Variants in PHLDB2 observed in about 807,000 individuals in gnomAD.
The protein encoded by PHLDB2 is pleckstrin homology-like domain family B member 2.
A neutral mutation model predicts 123.6 loss-of-function variants in PHLDB2; 71 were observed. The observed-to-expected ratio is 0.57, with a 90% CI of 0.47 to 0.70. PHLDB2 has a LOEUF of 0.70. PHLDB2 is among the 30% of genes least tolerant of loss of function. The pLI is 0.00. For synonymous variants in PHLDB2, 547 were observed against 541.6 expected (o/e 1.01, Z -0.14); for missense variants, 1,446 against 1,519.5 (o/e 0.95, Z 0.80).
intron 1 of PHLDB2, among the ~76,000 whole-genome samples, chr3:111,733,816 A>G (rs901849929): frequency 6.6e-6 from 1 of 152,226 alleles, no homozygotes; most frequent in Non-Finnish European, 1.5e-5. Flanking sequence ...AAATGTTGTC[A>G]TATGGTCACC....
At chr3:111,822,743 T>A (rs1417699295) in intron 1 of PHLDB2, among the ~76,000 whole-genome samples, 1 of 152,194 alleles carries the variant, frequency 6.6e-6, no homozygotes, top group East Asian at 1.9e-4. Flanking sequence ...CTTACCTCCT[T>A]GGTCCAAATT....
intron 2 of PHLDB2, among the ~76,000 whole-genome samples, chr3:111,847,354 G>C (rs762342809): frequency 6.6e-6 from 1 of 152,028 alleles, no homozygotes; most frequent in East Asian, 1.9e-4. Flanking sequence ...GAAAGATCCC[G>C]GTCCTCATAC....
At chr3:111,855,421 C>A (rs913105368), upstream of PHLDB2, among the ~76,000 whole-genome samples, 3 of 151,084 alleles carry the variant, frequency 2.0e-5, no homozygotes, top group Non-Finnish European at 4.4e-5. Context: ...TCCTTCCTTC[C>A]TTTCTTTCTT....
chr3:111,907,241 A>G (rs964281539), intron 2 of PHLDB2, among the ~76,000 whole-genome samples: 1 of 152,200 alleles, frequency 6.6e-6, no homozygotes, highest in African/African-American at 2.4e-5. Flanking sequence ...TTCACTAGAA[A>G]GACTCACAGA....
At chr3:111,746,997 C>A (rs905008565) in intron 1 of PHLDB2, among the ~76,000 whole-genome samples, 1 of 152,044 alleles carries the variant, frequency 6.6e-6, no homozygotes, top group Non-Finnish European at 1.5e-5. Flanking sequence ...AATTCTATAC[C>A]CAGCCAAACT....
chr3:111,860,488 G>A (rs904537214), intron 1 of PHLDB2, among the ~76,000 whole-genome samples: 2 of 152,148 alleles, frequency 1.3e-5, no homozygotes, highest in South Asian at 2.1e-4. Context: ...TCGTTTGCTG[G>A]TTCGCTTAAT....
chr3:111,901,175 C>T (rs866006017), intron 2 of PHLDB2, among the ~76,000 whole-genome samples: 9 of 151,580 alleles, frequency 5.9e-5, no homozygotes, highest in Non-Finnish European at 8.8e-5. Context: ...CTGGCTAACA[C>T]GGTGAAACCC....
intron 16 of PHLDB2, among the ~76,000 whole-genome samples, chr3:111,971,041 A>G (rs550584350): frequency 6.6e-6 from 1 of 152,276 alleles, no homozygotes; most frequent in South Asian, 2.1e-4. Flanking sequence ...CAGTTACTGG[A>G]GAAATTAGTG....
In PHLDB2 at chr3:111,839,515, C is replaced by T. The variant is rs977577612; in HGVS notation, c.-48-6306C>T. On this transcript the variant is annotated intron_variant, in intron 1 of 17. Transcript: ENST00000393923. ...ACATTTGAAGTTATTTTAAAATTAA[C>T]ATTATCTTTAGCATTTTAAAAAGAT... Among the ~76,000 whole-genome samples, 6 of 152,286 alleles carry T rather than the reference C, an allele frequency of 3.9e-5. No individual in the cohort carries two copies. In the East Asian group the frequency reaches 1.2e-3, roughly 29 times the overall value.
rs536750860 is a variant in PHLDB2 at position 111,919,086 on chromosome 3, A to G, written c.1734A>G (p.Ile578Met). ...ATTAATCGCAGACCCCAGAGGGTAT[A>G]AGTGAAGAACAGAGATCTCAGGAGT... is the stretch of plus-strand genomic sequence containing the variant. ...LSILPKTPEG[I>M]SEEQRSQELA... The change falls in exon 4 of 18, where the codon ATA becomes ATG. Residue 578 changes from isoleucine (I) to methionine (M), a missense_variant. Ile to Met is a conservative substitution (Grantham distance 10). Coordinates refer to ENST00000431670, the MANE Select transcript of PHLDB2 (RefSeq NM_001134438.2). 1.2e-6 allele frequency: 2 copies of G among 1,613,970 alleles called. No homozygotes were observed. Among genetic ancestry groups the G allele is most frequent in the South Asian group, 2.2e-5 (2 of 91,080 alleles).
In PHLDB2 at chr3:111,894,504, T is replaced by C. The variant is rs2066703132; in HGVS notation, c.1335+9092T>C. ...TCACCACACTGACTTCCACAATGGT[T>C]GAACTAGTTTACACTCCCACCAACA... is the stretch of plus-strand genomic sequence containing the variant. On this transcript the variant is annotated intron_variant, in intron 2 of 17. Transcript: ENST00000431670. 2.0e-5 allele frequency among the ~76,000 whole-genome samples: 3 copies of C among 152,050 alleles called. No individual in the cohort carries two copies. In the South Asian group the frequency reaches 6.3e-4, roughly 32 times the overall value.
intron 6 of PHLDB2, among the ~76,000 whole-genome samples, chr3:111,933,781 AT>A (rs1000505776): frequency 6.6e-6 from 1 of 152,038 alleles, no homozygotes; most frequent in South Asian, 2.1e-4. Context: ...GGGAAAACTG[AT>A]TTTTTTTACA....
intron 3 of PHLDB2, among the ~76,000 whole-genome samples, chr3:111,917,872 T>C (rs1447993961): frequency 6.6e-6 from 1 of 152,160 alleles, no homozygotes; most frequent in Non-Finnish European, 1.5e-5. Flanking sequence ...CTCAACTTAA[T>C]GGGTTTTTTG....
intron 1 of PHLDB2, among the ~76,000 whole-genome samples, chr3:111,799,832 C>A (rs2061314951): frequency 6.6e-6 from 1 of 152,106 alleles, no homozygotes; most frequent in African/African-American, 2.4e-5. Flanking sequence ...GTACTATGCA[C>A]TCCTGAAAAT....
intron 3 of PHLDB2, 21 bp downstream of exon 3, chr3:111,913,723 A>T: frequency 6.3e-7 from 1 of 1,591,102 alleles, no homozygotes; most frequent in African/African-American, 1.3e-5. Flanking sequence ...CCCAGCAAAG[A>T]TACTAGGATT....
intron 1 of PHLDB2, among the ~76,000 whole-genome samples, chr3:111,793,103 G>A (rs1429810330): frequency 1.3e-5 from 2 of 152,182 alleles, no homozygotes; most frequent in African/African-American, 2.4e-5. Flanking sequence ...CCAGGCTTGT[G>A]GTCTTGCCTT....
intron 1 of PHLDB2, among the ~76,000 whole-genome samples, chr3:111,838,251 T>G (rs2063508073): frequency 6.6e-6 from 1 of 152,146 alleles, no homozygotes; most frequent in African/African-American, 2.4e-5. Context: ...TCTTCCCGCC[T>G]TTATCTCCTG....
intron 5 of PHLDB2, among the ~76,000 whole-genome samples, chr3:111,923,680 T>G (rs1377704294): frequency 6.6e-6 from 1 of 152,156 alleles, no homozygotes; most frequent in African/African-American, 2.4e-5. Flanking sequence ...ACCAGGAGAT[T>G]GCATCTCTAT....
chr3:111,768,823 T>G (rs1007182318), intron 1 of PHLDB2, among the ~76,000 whole-genome samples: 2 of 152,154 alleles, frequency 1.3e-5, no homozygotes, highest in Non-Finnish European at 2.9e-5. Context: ...GGACCTACAT[T>G]CAGAGGTCCT....
Sources: gnomAD v4.1 joint callset for allele counts (sites outside exome capture counted in the v4.1 genomes callset) on GRCh38, gnomAD v4.1.1 for gene constraint, MANE v1.5 for transcripts, NCBI Gene and HGNC (gene_info 2026-07-23, HGNC 2026-07-21) for gene names.